The following PDE6B variants were observed in gnomAD, a reference collection of about 807,000 sequenced individuals.
PDE6B encodes phosphodiesterase 6B, also known as rod cGMP-specific 3',5'-cyclic phosphodiesterase subunit beta.
Under a neutral mutation model 109.0 loss-of-function variants are expected in PDE6B, and 106 were observed. That is an observed-to-expected ratio of 0.97 (90% confidence interval 0.83 to 1.14). PDE6B has a LOEUF of 1.14. PDE6B is among the 50% of genes most tolerant of loss of function. The pLI, the probability that PDE6B is intolerant of heterozygous loss-of-function variation, is 0.00. For synonymous variants in PDE6B, 490 were observed against 471.3 expected (o/e 1.04, Z -0.51); for missense variants, 1,193 against 1,155.6 (o/e 1.03, Z -0.47).
At chr4:641,345 A>G (rs545257852) in intron 3 of PDE6B, among the ~76,000 whole-genome samples, 70 of 152,378 alleles carry the variant, frequency 4.6e-4, no homozygotes, top group African/African-American at 1.4e-3. Flanking sequence ...GCTGTTATAA[A>G]GCAAAGCAAT....
chr4:655,236 C>T (rs1736078040), intron 6 of PDE6B: 1 of 368,704 alleles, frequency 2.7e-6, no homozygotes, highest in East Asian at 6.4e-5. Flanking sequence ...CCTGGCACCA[C>T]CAGCCCCACC....
rs757421196 is a variant in PDE6B, at chr4:664,231, G to A, written c.2129+10G>A. On this transcript the variant is annotated intron_variant, in intron 17 of 21. Transcript: ENST00000496514. ...GGAAGGAGATCGTCATGTGAGCGCG[G>A]GCGGAGGGGGCACGAGGGGTCCTTC... 8.2e-6 allele frequency: 12 copies of A among 1,462,886 alleles called. No individual in the cohort carries two copies. The East Asian group carries it at 2.5e-4, about 30-fold the overall frequency. The allele number at this position is 1,462,886 out of a possible 1,614,324, so 90.6% of individuals were successfully genotyped here.
chr4:663,733 C>G lies in PDE6B; in HGVS notation c.1921-37C>G, dbSNP rs1737418072. The G allele has an allele frequency of 6.5e-7, 1 of 1,531,992 alleles. No individual in the cohort carries two copies. Among genetic ancestry groups the G allele is most frequent in the Non-Finnish European group, 9.0e-7 (1 of 1,108,078 alleles). 94.9% of individuals were successfully genotyped at this position (1,531,992 alleles called of 1,614,324 possible). On this transcript the variant is annotated intron_variant, in intron 15 of 21. Coordinates refer to ENST00000496514, the MANE Select transcript of PDE6B (RefSeq NM_000283.4). This position sits in a 1 kb window ranked among gnomAD's most constrained non-coding sequence, Gnocchi z 4.0. ...GTCCCCGGGCACCCTGAGAGGTGGC[C>G]GCAGGGCGCCTGACGCGCTGGGCAT... is the stretch of plus-strand genomic sequence containing the variant.
intron 3 of PDE6B, among the ~76,000 whole-genome samples, chr4:645,665 C>G (rs1329697800): frequency 6.6e-6 from 1 of 152,010 alleles, no homozygotes; most frequent in Non-Finnish European, 1.5e-5. Context: ...AACATTTTCT[C>G]TGTGTTGCAC....
chr4:635,328 C>T (rs1323910003), intron 2 of PDE6B, among the ~76,000 whole-genome samples: 1 of 118,150 alleles, frequency 8.5e-6, no homozygotes, highest in East Asian at 2.8e-4. Flanking sequence ...CTGTGCTGTG[C>T]GTCCACCTCC....
intron 3 of PDE6B, among the ~76,000 whole-genome samples, chr4:649,810 C>T (rs1401270865): frequency 2.6e-5 from 4 of 152,202 alleles, no homozygotes; most frequent in Admixed American, 1.3e-4. Context: ...CCCATCTGCC[C>T]TGGCCCCTCA....
rs73058406 is a variant in PDE6B, at chr4:662,092, C to A, written c.1615-42C>A. ...ACAGGTGCCGCTCTGGCGGGACTTA[C>A]ACGCTTGCCGCCGGAGCCCTGTGTC... On this transcript the variant is annotated intron_variant, in intron 12 of 21. Coordinates refer to ENST00000496514, the MANE Select transcript of PDE6B (RefSeq NM_000283.4). The surrounding 1 kb of genome is among the most constrained non-coding windows in gnomAD (Gnocchi z 4.3). The A allele has an allele frequency of 2.1e-6, 2 of 973,278 alleles. No individual in the cohort carries two copies. The highest frequency in any genetic ancestry group is 3.2e-6 in the Non-Finnish European group (2 of 619,376). 60.3% of individuals were successfully genotyped at this position (973,278 alleles called of 1,614,324 possible).
At chr4:656,319 T>C (rs774909833) in intron 8 of PDE6B, 27 bp downstream of exon 8, 1 of 1,382,784 alleles carries the variant, frequency 7.2e-7, no homozygotes, top group Non-Finnish European at 1.0e-6. Context: ...TGGTAGAAAT[T>C]ATACTTACTT....
Position 656,293 on chromosome 4 carries a change from G to T in PDE6B, c.1107+1G>T, listed in dbSNP as rs1031853500. 5 of 1,529,322 alleles carry T rather than the reference G, an allele frequency of 3.3e-6. No homozygotes were observed. The highest frequency in any genetic ancestry group is 1.4e-5 in the African/African-American group (1 of 73,448). The allele number at this position is 1,529,322 out of a possible 1,614,324, so 94.7% of individuals were successfully genotyped here. ...CGCTGACGAAATGTTCAAATTTCAG[G>T]TATCTGTCTGTGCCTTGGTAGAAAT... On this transcript the variant is annotated splice_donor_variant, in intron 8 of 21. Transcript: ENST00000496514. LOFTEE classifies it high-confidence loss of function.
At position 626,135 on chromosome 4, in the gene PDE6B, C is replaced by T. The variant is rs1458084189; in HGVS notation, c.468+41C>T. 2 of 1,202,016 alleles carry T rather than the reference C, an allele frequency of 1.7e-6. No homozygotes were observed. Among genetic ancestry groups the T allele is most frequent in the Non-Finnish European group, 1.2e-6 (1 of 833,040 alleles). 74.5% of individuals were successfully genotyped at this position (1,202,016 alleles called of 1,614,324 possible). ...GCCTCAGGGAGGCGGCTGTGTGCAT[C>T]TCTTGCACCTGTCCCAGGTGTCTAA... On this transcript the variant is annotated intron_variant, in intron 1 of 21. Transcript: ENST00000496514. The surrounding 1 kb of genome is among the most constrained non-coding windows in gnomAD (Gnocchi z 4.6).
chr4:654,013 G>A, intron 4 of PDE6B, 21 bp downstream of exon 4: 1 of 1,613,696 alleles, frequency 6.2e-7, no homozygotes, highest in East Asian at 2.2e-5. Context: ...CGTGGCTCAG[G>A]GACCCCCTGC....
chr4:659,054 G>C (rs1171943489), intron 11 of PDE6B, 37 bp downstream of exon 11: 1 of 1,496,168 alleles, frequency 6.7e-7, no homozygotes, highest in Non-Finnish European at 9.3e-7. Flanking sequence ...ATGGAGGCCG[G>C]CCACGTGTGA....
At chr4:664,303 C>A in intron 17 of PDE6B, 82 bp downstream of exon 17, 1 of 804,574 alleles carries the variant, frequency 1.2e-6, no homozygotes, top group Non-Finnish European at 2.2e-6. Flanking sequence ...CCCTGCAGCC[C>A]TCCCCAGACG....
At chr4:641,957 T>A (rs902834894) in intron 3 of PDE6B, among the ~76,000 whole-genome samples, 2 of 152,228 alleles carry the variant, frequency 1.3e-5, no homozygotes, top group Non-Finnish European at 2.9e-5. Flanking sequence ...AGGAGTTTTT[T>A]ATTGATTATT....
intron 3 of PDE6B, among the ~76,000 whole-genome samples, chr4:646,816 C>T (rs1259356125): frequency 1.3e-5 from 2 of 151,992 alleles, no homozygotes; most frequent in Non-Finnish European, 2.9e-5. Flanking sequence ...GGTGCGCTGC[C>T]TCCGTTTTCT....
Position 662,555 on chromosome 4 carries a change from T to C in PDE6B, c.1769T>C (p.Met590Thr), listed in dbSNP as rs1737234138. The C allele has an allele frequency of 6.2e-7, 1 of 1,613,164 alleles. No homozygotes were observed. The highest frequency in any genetic ancestry group is 8.5e-7 in the Non-Finnish European group (1 of 1,179,912). ...SYYTDLEAFAMVTAGLCHDID... is the reference protein window; with the variant it reads ...SYYTDLEAFATVTAGLCHDID... ...TACACGGACCTGGAGGCCTTCGCCA[T>C]GGTGACAGCCGGCCTGTGCCATGAC... is the stretch of plus-strand genomic sequence containing the variant. Residue 590 changes from methionine to threonine, a missense_variant, in exon 14 of 22, where the codon ATG becomes ACG. Physicochemically the swap from Met to Thr is moderately conservative, Grantham distance 81. Coordinates refer to ENST00000496514, the MANE Select transcript of PDE6B (RefSeq NM_000283.4). This position sits in a 1 kb window ranked among gnomAD's most constrained non-coding sequence, Gnocchi z 4.3.
In PDE6B at chr4:662,325, G is replaced by A. The variant is rs1317803143; in HGVS notation, c.1722+84G>A. ...CTCAAGCACCCCGAGGGATGAGATG[G>A]GGGTCCTCCCAGGGCAGAAGGATGG... On this transcript the variant is annotated intron_variant, in intron 13 of 21. Transcript: ENST00000496514. The surrounding 1 kb of genome is among the most constrained non-coding windows in gnomAD (Gnocchi z 4.3). The A allele has an allele frequency of 3.2e-5, 28 of 873,796 alleles. No individual in the cohort carries two copies. The highest frequency in any genetic ancestry group is 6.0e-5 in the Admixed American group (3 of 50,218). 54.1% of individuals were successfully genotyped at this position (873,796 alleles called of 1,614,324 possible). A position where few individuals can be genotyped will look rare whatever the true frequency, so the allele number is the denominator to read the frequency against.
At chr4:635,818 C>G in intron 2 of PDE6B, 62 bp from the exon 3 acceptor site, 1 of 886,632 alleles carries the variant, frequency 1.1e-6, no homozygotes, top group Non-Finnish European at 1.9e-6. Context: ...TGCAAAATAC[C>G]CACGGGGGCA....
chr4:658,818 G>A (rs1230619007), intron 10 of PDE6B, 134 bp from the exon 11 acceptor site: 4 of 712,704 alleles, frequency 5.6e-6, no homozygotes, highest in South Asian at 1.5e-5. Flanking sequence ...ATCAGAGGCC[G>A]CCAGGGCCTT....
Sources: gnomAD v4.1 joint callset for allele counts (sites outside exome capture counted in the v4.1 genomes callset) on GRCh38, gnomAD v4.1.1 for gene constraint, Gnocchi (gnomAD v3.1) non-coding constraint, MANE v1.5 for transcripts, NCBI Gene and HGNC (gene_info 2026-07-23, HGNC 2026-07-21) for gene names.